Variants in PARD3 observed in about 807,000 individuals in gnomAD.
PARD3 encodes the protein par-3 family cell polarity regulator, also known as partitioning defective 3 homolog.
PARD3 carries 75 observed loss-of-function variants against 155.4 expected under a neutral mutation model. That is an observed-to-expected ratio of 0.48 (90% confidence interval 0.40 to 0.58). PARD3 has a LOEUF of 0.58. Among genes scored for constraint, PARD3 ranks in the 20% least tolerant of loss-of-function variants. PARD3 has a pLI of 0.00. For missense variants in PARD3, 1,642 were observed against 1,721.7 expected (o/e 0.95, Z 0.82); for synonymous variants, 576 against 610.5 (o/e 0.94, Z 0.83).
At chr10:34,539,151 A>T (rs935456877) in intron 2 of PARD3, among the ~76,000 whole-genome samples, 1 of 152,264 alleles carries the variant, frequency 6.6e-6, no homozygotes, top group Admixed American at 6.5e-5. Context: ...CACATATTCC[A>T]TATTACCTGC....
chr10:34,674,090 GT>G (rs893744709), intron 2 of PARD3, among the ~76,000 whole-genome samples: 1 of 151,410 alleles, frequency 6.6e-6, no homozygotes, highest in African/African-American at 2.4e-5. Context: ...ACATAGGTAT[GT>G]TTTAATATTT....
intron 14 of PARD3, among the ~76,000 whole-genome samples, chr10:34,351,527 T>G (rs1009631576): frequency 6.6e-6 from 1 of 152,208 alleles, no homozygotes; most frequent in East Asian, 1.9e-4. Flanking sequence ...CAGATTTTAG[T>G]TTTGGAGGAG....
At position 34,567,894 on chromosome 10, in the gene PARD3, T is replaced by C. The variant is rs186564901; in HGVS notation, c.223-50735A>G. Among the ~76,000 whole-genome samples the C allele has an allele frequency of 6.0e-4, 92 of 152,356 alleles. No homozygotes were observed. The East Asian group carries it at 0.015, about 25-fold the overall frequency. On this transcript the variant is annotated intron_variant, in intron 2 of 24. Coordinates refer to ENST00000374788, the MANE Select transcript of PARD3 (RefSeq NM_001184785.2). ...CGTGAGATGTAATTGTTGTAGGCTC[T>C]AGCTAGCAAGCATGATTAGTTCACT...
chr10:34,506,971 C>A (rs2081108562), intron 3 of PARD3, among the ~76,000 whole-genome samples: 1 of 152,158 alleles, frequency 6.6e-6, no homozygotes, highest in Admixed American at 6.5e-5. Context: ...CGCCAAATTG[C>A]TCATTAGGTT....
intron 11 of PARD3, among the ~76,000 whole-genome samples, chr10:34,372,900 C>T (rs1328781417): frequency 6.6e-6 from 1 of 152,050 alleles, no homozygotes; most frequent in Non-Finnish European, 1.5e-5. Context: ...GGTATAGAAT[C>T]ATTTGATAAC....
chr10:34,291,681 G>A (rs1185321126), intron 20 of PARD3, among the ~76,000 whole-genome samples: 1 of 152,142 alleles, frequency 6.6e-6, no homozygotes, highest in Non-Finnish European at 1.5e-5. Flanking sequence ...CACCTCATAA[G>A]CTTTAGGAAC....
intron 2 of PARD3, among the ~76,000 whole-genome samples, chr10:34,671,665 G>T (rs2093612167): frequency 6.6e-6 from 1 of 152,140 alleles, no homozygotes; most frequent in African/African-American, 2.4e-5. Context: ...GGGGTAAAAT[G>T]CTTGCCAAAA....
At chr10:34,233,720 A>T (rs1034183379) in intron 22 of PARD3, among the ~76,000 whole-genome samples, 10 of 152,070 alleles carry the variant, frequency 6.6e-5, no homozygotes, top group Non-Finnish European at 1.5e-4. Flanking sequence ...CTCTAGGTTT[A>T]AAATCGCTCT....
chr10:34,594,942 A>G (rs956413345), intron 2 of PARD3, among the ~76,000 whole-genome samples: 3 of 152,188 alleles, frequency 2.0e-5, no homozygotes, highest in African/African-American at 7.2e-5. Context: ...TAGTTTCTCC[A>G]TGTAGCACCT....
rs143582528 is a variant in PARD3, at chr10:34,542,234, T to TGTGTGTGTGTGTGTGTGCAC, written c.223-25076_223-25075insGTGCACACACACACACACAC. On this transcript the variant is annotated intron_variant, in intron 2 of 24. Transcript: ENST00000374788. ...GTGTGTGTGTGTGTGTGTGTGTGTGTGTGTGCACACACACACACGCTTGCA... is the reference window on the plus strand; with the variant it reads ...GTGTGTGTGTGTGTGTGTGTGTGTGTGTGTGTGTGTGTGTGTGCACGTGTGCACACACACACACGCTTGCA... 1.6e-3 allele frequency among the ~76,000 whole-genome samples: 239 copies of TGTGTGTGTGTGTGTGTGCAC among 146,290 alleles called. 1 individual carries two copies. Among genetic ancestry groups the TGTGTGTGTGTGTGTGTGCAC allele is most frequent in the African/African-American group, 2.8e-3 (112 of 39,416 alleles).
intron 22 of PARD3, among the ~76,000 whole-genome samples, chr10:34,190,505 C>T (rs1003495873): frequency 2.0e-5 from 3 of 151,998 alleles, no homozygotes; most frequent in African/African-American, 7.3e-5. Context: ...CAGATATTTA[C>T]CCAAATAATA....
At chr10:34,587,328 G>A (rs2088175163) in intron 2 of PARD3, among the ~76,000 whole-genome samples, 4 of 152,020 alleles carry the variant, frequency 2.6e-5, no homozygotes, top group Admixed American at 2.6e-4. Context: ...TCACCATCTT[G>A]GCCAGTCTGG....
intron 2 of PARD3, among the ~76,000 whole-genome samples, chr10:34,694,265 G>C (rs566886224): frequency 1.3e-5 from 2 of 152,168 alleles, no homozygotes; most frequent in African/African-American, 4.8e-5. Flanking sequence ...TGGAAAAAGA[G>C]CACCTGTTTA....
intron 22 of PARD3, among the ~76,000 whole-genome samples, chr10:34,167,760 A>T (rs1949603098): frequency 6.6e-6 from 1 of 152,216 alleles, no homozygotes; most frequent in African/African-American, 2.4e-5. Flanking sequence ...TTTACGCTTG[A>T]ACGTGTCTCT....
intron 22 of PARD3, among the ~76,000 whole-genome samples, chr10:34,141,705 C>A (rs1401213981): frequency 1.3e-5 from 2 of 152,196 alleles, no homozygotes; most frequent in African/African-American, 2.4e-5. Context: ...TGGTCTCAGG[C>A]AGGAGTAAGA....
intron 1 of PARD3, among the ~76,000 whole-genome samples, chr10:34,753,037 A>T (rs535713329): frequency 2.0e-5 from 3 of 152,244 alleles, no homozygotes; most frequent in Non-Finnish European, 2.9e-5. Flanking sequence ...GCAGCAGGCT[A>T]AAGCCTCCTC....
At chr10:34,375,154 G>T in intron 10 of PARD3, 152 bp from the exon 11 acceptor site, 1 of 623,170 alleles carries the variant, frequency 1.6e-6, no homozygotes, top group East Asian at 2.9e-5. Flanking sequence ...ATTCTGCCAT[G>T]ATCTGGGAAC....
At chr10:34,605,537 C>CTATATATA (rs1226768521) in intron 2 of PARD3, among the ~76,000 whole-genome samples, 1,090 of 25,688 alleles carry the variant, frequency 0.042, 180 homozygotes, top group East Asian at 0.076. Flanking sequence ...TATATATCTC[C>CTATATATA]TATATATATA....
intron 2 of PARD3, among the ~76,000 whole-genome samples, chr10:34,663,660 C>T (rs2093381664): frequency 6.6e-6 from 1 of 152,076 alleles, no homozygotes; most frequent in Non-Finnish European, 1.5e-5. Flanking sequence ...CTGACAGGCC[C>T]ACTGAACACA....
Sources: allele counts gnomAD v4.1 joint callset (sites outside exome capture counted in the v4.1 genomes callset), GRCh38; gene constraint gnomAD v4.1.1; transcripts MANE v1.5; gene names NCBI Gene and HGNC (gene_info 2026-07-23, HGNC 2026-07-21).